The following DNAH12 variants were observed in gnomAD, a reference collection of about 807,000 sequenced individuals.
DNAH12 encodes axonemal beta dynein heavy chain 12.
A neutral mutation model predicts 371.5 loss-of-function variants in DNAH12; 285 were observed. That is an observed-to-expected ratio of 0.77 (90% CI 0.70 to 0.85). The LOEUF is 0.85. Ranked by LOEUF, DNAH12 falls within the 40% of genes least tolerant of loss-of-function variation. DNAH12 has a pLI of 0.00. For synonymous variants in DNAH12, 1,200 were observed against 1,213.0 expected (o/e 0.99, Z 0.22); for missense variants, 3,611 against 3,689.4 (o/e 0.98, Z 0.55).
chr3:57,394,052 A>G (rs1278258961), intron 44 of DNAH12, 119 bp downstream of exon 44: 2 of 152,248 alleles, frequency 1.3e-5, no homozygotes, highest in African/African-American at 4.8e-5. Context: ...AATATACTTT[A>G]AATTTTTAAT....
chr3:57,445,374 T>C lies in DNAH12; in HGVS notation c.4225A>G (p.Ile1409Val). Residue 1409 changes from isoleucine to valine, a missense_variant, in exon 28 of 74, where the codon ATA (isoleucine) becomes GTA (valine). By Grantham distance (29) the Ile-to-Val change is conservative (BLOSUM62 3). This residue lies in a region of DNAH12 where 2,266 missense variants were observed against 2,236.9 expected (regional missense o/e 1.01). Coordinates refer to ENST00000495027, the MANE Select transcript of DNAH12 (RefSeq NM_001366028.2). ...TAAGAGTAGAGGGAGATTTCTGCTA[T>C]AAGCGCATAGTTTGGAACCATCATA... ...VAMMVPNYAL[I>V]AEISLYSYGF... is the part of the protein sequence containing the mutation. 1 of 1,550,800 alleles carries C rather than the reference T, an allele frequency of 6.4e-7. No homozygotes were observed. The highest frequency in any genetic ancestry group is 8.7e-7 in the Non-Finnish European group (1 of 1,146,802).
chr3:57,299,658 C>T (rs1336479007), intron 70 of DNAH12, among the ~76,000 whole-genome samples: 1 of 152,032 alleles, frequency 6.6e-6, no homozygotes, highest in Non-Finnish European at 1.5e-5. Flanking sequence ...GGGTGGAGCC[C>T]TCATGATAGG....
In DNAH12 at chr3:57,508,197, A is replaced by C. The variant is rs527539986; in HGVS notation, c.701+185T>G. Among the ~76,000 whole-genome samples, 4 of 105,934 alleles carry C rather than the reference A, an allele frequency of 3.8e-5. No homozygotes were observed. The South Asian group carries it at 1.3e-3, about 35-fold the overall frequency. 69.5% of individuals were successfully genotyped at this position (105,934 alleles called of 152,430 possible). On this transcript the variant is annotated intron_variant, in intron 7 of 73. Coordinates refer to ENST00000495027, the MANE Select transcript of DNAH12 (RefSeq NM_001366028.2). Reference sequence around the variant, plus strand: ...GCAAGACTCCATCACGGGAAAAAAAAAACAAAAAAAAAAAAAACCAAAAAA... The same window carrying C: ...GCAAGACTCCATCACGGGAAAAAAACAACAAAAAAAAAAAAAACCAAAAAA...
chr3:57,435,452 G>A (rs2065092247), intron 30 of DNAH12, among the ~76,000 whole-genome samples: 1 of 148,724 alleles, frequency 6.7e-6, no homozygotes, highest in Non-Finnish European at 1.5e-5. Context: ...AACAGACTAA[G>A]ATTGTGGCTC....
At chr3:57,313,000 G>A (rs769045914) in intron 66 of DNAH12, among the ~76,000 whole-genome samples, 1 of 152,132 alleles carries the variant, frequency 6.6e-6, no homozygotes, top group Non-Finnish European at 1.5e-5. Context: ...AAATCTAATA[G>A]CACCAATTAA....
intron 2 of DNAH12, among the ~76,000 whole-genome samples, chr3:57,538,716 G>A (rs1204931545): frequency 3.3e-5 from 5 of 151,960 alleles, no homozygotes; most frequent in East Asian, 1.9e-4. Context: ...GCTCACTTGC[G>A]CTCTCTCCTG....
Position 57,404,953 on chromosome 3 carries a change from C to A in DNAH12, c.6755+16G>T. On this transcript the variant is annotated intron_variant, in intron 42 of 73. Coordinates refer to ENST00000495027, the MANE Select transcript of DNAH12 (RefSeq NM_001366028.2). ...TACAGATAGCAATTTCAAGCATCAA[C>A]ACCATATATAGGTACCTAAAAATGA... The A allele has an allele frequency of 6.8e-7, 1 of 1,469,942 alleles. No homozygotes were observed. The highest frequency in any genetic ancestry group is 1.5e-5 in the South Asian group (1 of 68,338). 91.1% of individuals were successfully genotyped at this position (1,469,942 alleles called of 1,614,324 possible).
intron 25 of DNAH12, among the ~76,000 whole-genome samples, chr3:57,447,843 T>G (rs887306535): frequency 1.3e-5 from 2 of 151,994 alleles, no homozygotes; most frequent in African/African-American, 4.8e-5. Flanking sequence ...TCAGTTTATT[T>G]TTTGTATTTT....
intron 56 of DNAH12, 92 bp downstream of exon 56, chr3:57,367,954 T>C (rs2063087488): frequency 6.6e-6 from 1 of 152,234 alleles, no homozygotes; most frequent in East Asian, 1.9e-4. Flanking sequence ...TTATTAACAT[T>C]ATTATTAAAT....
intron 60 of DNAH12, among the ~76,000 whole-genome samples, chr3:57,337,155 AT>A (rs1192923950): frequency 6.6e-6 from 1 of 152,200 alleles, no homozygotes; most frequent in African/African-American, 2.4e-5. Flanking sequence ...GAGACAAATA[AT>A]AACATTATAT....
At chr3:57,341,371 A>T (rs897694354) in intron 60 of DNAH12, among the ~76,000 whole-genome samples, 8 of 152,258 alleles carry the variant, frequency 5.3e-5, no homozygotes, top group Admixed American at 3.3e-4. Context: ...TACCCAAAAA[A>T]CTCTTAAAAC....
intron 11 of DNAH12, among the ~76,000 whole-genome samples, chr3:57,499,849 CA>C (rs2067470922): frequency 6.8e-6 from 1 of 147,364 alleles, no homozygotes; most frequent in Non-Finnish European, 1.5e-5. Context: ...AAAAACAAAA[CA>C]AAACTCTATA....
intron 69 of DNAH12, 36 bp downstream of exon 69, chr3:57,309,115 G>T (rs1187438003): frequency 2.5e-5 from 35 of 1,424,490 alleles, no homozygotes; most frequent in Non-Finnish European, 3.1e-5. Flanking sequence ...TAAGAAGACA[G>T]TTGCCTTCTG....
chr3:57,483,279 C>T, intron 13 of DNAH12, 97 bp downstream of exon 13: 1 of 1,419,672 alleles, frequency 7.0e-7, no homozygotes, highest in Non-Finnish European at 9.5e-7. Context: ...GCTCAATTTA[C>T]AGCTATTTGT....
chr3:57,340,987 C>T (rs1279510505), intron 60 of DNAH12, among the ~76,000 whole-genome samples: 2 of 152,110 alleles, frequency 1.3e-5, no homozygotes, highest in Non-Finnish European at 2.9e-5. Flanking sequence ...ATTATTCAAC[C>T]TACACAAATA....
At chr3:57,458,052 C>A in intron 21 of DNAH12, 47 bp downstream of exon 21, 1 of 1,536,724 alleles carries the variant, frequency 6.5e-7, no homozygotes, top group Non-Finnish European at 8.8e-7. Context: ...ATTCATCACA[C>A]ATAAGAAAAT....
chr3:57,344,690 C>T (rs2062494306), intron 60 of DNAH12, among the ~76,000 whole-genome samples: 2 of 152,138 alleles, frequency 1.3e-5, no homozygotes, highest in South Asian at 4.1e-4. Context: ...ACGCCAGGAA[C>T]ACAAAGTTAA....
intron 60 of DNAH12, among the ~76,000 whole-genome samples, chr3:57,348,892 T>C (rs1222106567): frequency 6.6e-6 from 1 of 152,116 alleles, no homozygotes; most frequent in Admixed American, 6.5e-5. Flanking sequence ...AATATTTATA[T>C]GGAAATGCAA....
intron 13 of DNAH12, among the ~76,000 whole-genome samples, chr3:57,482,019 T>C (rs1426308143): frequency 6.6e-6 from 1 of 152,178 alleles, no homozygotes; most frequent in Non-Finnish European, 1.5e-5. Flanking sequence ...GGGCAAGGAC[T>C]TCAAGCCTAA....
Sources: gnomAD v4.1 joint callset for allele counts (sites outside exome capture counted in the v4.1 genomes callset) on GRCh38, gnomAD v4.1.1 for gene constraint, gnomAD v4.1.1 regional missense constraint, MANE v1.5 for transcripts, NCBI Gene and HGNC (gene_info 2026-07-23, HGNC 2026-07-21) for gene names.